LRGUK: variants seen among roughly 807,000 people sequenced by gnomAD.
The protein encoded by LRGUK is leucine-rich repeat and guanylate kinase domain-containing protein.
Under a neutral mutation model 76.0 loss-of-function variants are expected in LRGUK, and 65 were observed. That is an observed-to-expected ratio of 0.85 (90% CI 0.70 to 1.05). LRGUK has a LOEUF of 1.05. LRGUK is among the 50% of genes least tolerant of loss of function. The pLI is 0.00. For missense variants in LRGUK, 758 were observed against 732.8 expected, an observed-to-expected ratio of 1.03 and a Z score of -0.40; for synonymous variants, 268 against 265.6, an observed-to-expected ratio of 1.01 and a Z score of -0.09.
At chr7:134,222,615 G>GTT (rs558394065) in intron 16 of LRGUK, among the ~76,000 whole-genome samples, 2 of 144,892 alleles carry the variant, frequency 1.4e-5, no homozygotes, top group Non-Finnish European at 1.5e-5. Context: ...TTTTTGTTTT[G>GTT]TTTTTTTTTT....
chr7:134,231,611 C>T (rs573605270), intron 16 of LRGUK, among the ~76,000 whole-genome samples: 1 of 112,504 alleles, frequency 8.9e-6, no homozygotes, highest in Non-Finnish European at 1.7e-5. Context: ...TTCCTCCCTC[C>T]GTCCCTCTCT....
At chr7:134,264,043 C>G in exon 20 of LRGUK, 18 of 1,499,290 alleles carry the variant, frequency 1.2e-5, no homozygotes, top group Non-Finnish European at 1.4e-5. Context: ...CTTGCCTTAC[C>G]TGGCCATGGG....
chr7:134,162,038 C>T (rs1798767298), intron 6 of LRGUK, among the ~76,000 whole-genome samples: 1 of 152,106 alleles, frequency 6.6e-6, no homozygotes, highest in African/African-American at 2.4e-5. Context: ...AAGAAGACAA[C>T]ATTTCAGTCT....
At chr7:134,229,412 A>G (rs967684196) in intron 16 of LRGUK, among the ~76,000 whole-genome samples, 10 of 151,902 alleles carry the variant, frequency 6.6e-5, no homozygotes, top group African/African-American at 2.2e-4. Context: ...CTATCTATCT[A>G]TCTATGTTCA....
the LRGUK span, among the ~76,000 whole-genome samples, chr7:134,274,726 T>G: frequency 2.0e-5 from 3 of 152,138 alleles, 1 homozygote; most frequent in Admixed American, 1.3e-4. Flanking sequence ...AAAGAGTCCT[T>G]TTTGTTTCAT....
chr7:134,270,094 AT>A, the LRGUK span, among the ~76,000 whole-genome samples: 3 of 152,220 alleles, frequency 2.0e-5, no homozygotes, highest in Admixed American at 6.5e-5. Flanking sequence ...AGCCAGTGCA[AT>A]AAAGCAGGAA....
chr7:134,244,224 C>G (rs1802237026), intron 16 of LRGUK, among the ~76,000 whole-genome samples: 1 of 152,116 alleles, frequency 6.6e-6, no homozygotes. Context: ...AACTAAAGAG[C>G]TTCTGCACAG....
chr7:134,134,327 G>A (rs1012879620), intron 1 of LRGUK, among the ~76,000 whole-genome samples: 4 of 152,180 alleles, frequency 2.6e-5, no homozygotes, highest in Non-Finnish European at 5.9e-5. Flanking sequence ...GGCCGTGAAA[G>A]TAAGCTGTCT....
At position 134,244,983 on chromosome 7, in the gene LRGUK, A is replaced by G. The variant is rs528633474; in HGVS notation, c.1984-2573A>G. Among the ~76,000 whole-genome samples the G allele has an allele frequency of 2.0e-4, 28 of 141,846 alleles. No individual in the cohort carries two copies. In the South Asian group the frequency reaches 4.9e-3, roughly 25 times the overall value. 93.1% of individuals were successfully genotyped at this position (141,846 alleles called of 152,430 possible). ...AATCAAACACCACATGTTCTCACTCATAGGTGGGAATTGAACAATGAGAAC... is the reference window on the plus strand; with the variant it reads ...AATCAAACACCACATGTTCTCACTCGTAGGTGGGAATTGAACAATGAGAAC... On this transcript the variant is annotated intron_variant, in intron 16 of 19. Coordinates refer to the LRGUK transcript ENST00000285928.
the LRGUK span, among the ~76,000 whole-genome samples, chr7:134,271,890 C>A: frequency 6.6e-6 from 1 of 151,922 alleles, no homozygotes; most frequent in Admixed American, 6.6e-5. Context: ...TACAAATAAC[C>A]CTGTGTATTA....
chr7:134,268,898 T>A (rs569306218), downstream of LRGUK, among the ~76,000 whole-genome samples: 3 of 151,478 alleles, frequency 2.0e-5, no homozygotes, highest in Admixed American at 6.6e-5. Flanking sequence ...CCCGGCTAAT[T>A]TTTTTTGTAT....
intron 18 of LRGUK, among the ~76,000 whole-genome samples, chr7:134,250,044 G>A (rs1290202600): frequency 6.6e-6 from 1 of 152,024 alleles, no homozygotes; most frequent in Non-Finnish European, 1.5e-5. Flanking sequence ...CAGTGACAGC[G>A]AACCAAGTGG....
At chr7:134,262,525 C>T (rs1424050235) in intron 19 of LRGUK, among the ~76,000 whole-genome samples, 8 of 152,062 alleles carry the variant, frequency 5.3e-5, no homozygotes, top group African/African-American at 1.4e-4. Flanking sequence ...TAAGCAATTC[C>T]GGCACCCTGA....
chr7:134,177,803 A>G (rs536163822), intron 9 of LRGUK, among the ~76,000 whole-genome samples: 2 of 152,244 alleles, frequency 1.3e-5, no homozygotes, highest in Non-Finnish European at 2.9e-5. Context: ...GTCTGTCATT[A>G]TTCTCACACT....
intron 16 of LRGUK, among the ~76,000 whole-genome samples, chr7:134,243,265 T>A (rs951049845): frequency 2.0e-5 from 3 of 152,148 alleles, no homozygotes; most frequent in Admixed American, 1.3e-4. Flanking sequence ...AGTCAAACTG[T>A]CCCTGTTTGC....
chr7:134,178,972 G>T (rs1429285430), intron 10 of LRGUK, among the ~76,000 whole-genome samples: 1 of 116,306 alleles, frequency 8.6e-6, no homozygotes, highest in Non-Finnish European at 1.7e-5. Context: ...TTCTGCCTTA[G>T]GAGAGAAACA....
chr7:134,211,030 C>T (rs918164797), downstream of LRGUK, among the ~76,000 whole-genome samples: 14 of 152,230 alleles, frequency 9.2e-5, no homozygotes, highest in African/African-American at 3.4e-4. Flanking sequence ...TGTCACAGAA[C>T]GACCAGCTAT....
At chr7:134,251,677 A>G (rs949703882) in intron 18 of LRGUK, among the ~76,000 whole-genome samples, 1 of 152,182 alleles carries the variant, frequency 6.6e-6, no homozygotes. Flanking sequence ...CGTATGCACT[A>G]TATCTTTATC....
chr7:134,247,447 C>T, intron 16 of LRGUK, 109 bp from the exon 17 acceptor site: 5 of 674,046 alleles, frequency 7.4e-6, no homozygotes, highest in Admixed American at 3.1e-5. Flanking sequence ...CCCCCTTTTT[C>T]TTCCCACATA....
Sources: allele counts gnomAD v4.1 joint callset (sites outside exome capture counted in the v4.1 genomes callset), GRCh38; gene constraint gnomAD v4.1.1; transcripts MANE v1.5; gene names NCBI Gene and HGNC (gene_info 2026-07-23, HGNC 2026-07-21).